Variants in GLIS3 observed in about 807,000 individuals in gnomAD.
GLIS3 encodes GLIS family zinc finger 3.
GLIS3 carries 53 observed loss-of-function variants against 78.6 expected under a neutral mutation model. That is an observed-to-expected ratio of 0.67 (90% CI 0.54 to 0.85). The LOEUF (loss-of-function observed/expected upper bound fraction) is 0.85. GLIS3 is among the 40% of genes least tolerant of loss of function. The pLI, the probability that GLIS3 is intolerant of heterozygous loss-of-function variation, is 0.00. For missense variants in GLIS3, 1,703 were observed against 1,231.1 expected, an observed-to-expected ratio of 1.38 and a Z score of -5.74; for synonymous variants, 684 against 509.9, an observed-to-expected ratio of 1.34 and a Z score of -4.60.
intron 1 of GLIS3, among the ~76,000 whole-genome samples, chr9:4,298,122 G>C (rs987361777): frequency 6.6e-6 from 1 of 152,112 alleles, no homozygotes; most frequent in African/African-American, 2.4e-5. Flanking sequence ...TCCTGAGTGA[G>C]TCGGGGGCCG....
chr9:4,162,339 G>A (rs1835549043), intron 2 of GLIS3, among the ~76,000 whole-genome samples: 1 of 152,108 alleles, frequency 6.6e-6, no homozygotes, highest in African/African-American at 2.4e-5. Flanking sequence ...CACATTCTGA[G>A]GTTCCAGGTG....
At chr9:4,133,311 A>G (rs1833113566) in intron 2 of GLIS3, among the ~76,000 whole-genome samples, 1 of 152,226 alleles carries the variant, frequency 6.6e-6, no homozygotes, top group Non-Finnish European at 1.5e-5. Flanking sequence ...CTCAAATGTA[A>G]CTTATGGAAC....
At chr9:4,179,864 C>T (rs1420574513) in intron 2 of GLIS3, among the ~76,000 whole-genome samples, 9 of 151,158 alleles carry the variant, frequency 6.0e-5, no homozygotes, top group South Asian at 2.1e-4. Context: ...GAGACAAGAT[C>T]GTGCCACTGT....
At chr9:4,363,030 A>G in the GLIS3 span, among the ~76,000 whole-genome samples, 2 of 152,192 alleles carry the variant, frequency 1.3e-5, no homozygotes, top group African/African-American at 2.4e-5. Context: ...ACACTGGTCC[A>G]TTATTTACTC....
At chr9:4,316,647 G>C (rs576077908) in intron 2 of GLIS3, among the ~76,000 whole-genome samples, 1 of 152,162 alleles carries the variant, frequency 6.6e-6, no homozygotes, top group South Asian at 2.1e-4. Context: ...GTGAGTAAGC[G>C]TAGGCATGTG....
At chr9:4,263,911 G>C (rs867134380) in intron 2 of GLIS3, among the ~76,000 whole-genome samples, 7 of 151,886 alleles carry the variant, frequency 4.6e-5, no homozygotes, top group African/African-American at 1.7e-4. Context: ...TCAGTTATTG[G>C]CCATTTTCTC....
At chr9:3,963,795 T>A (rs959098447) in intron 4 of GLIS3, among the ~76,000 whole-genome samples, 1 of 151,512 alleles carries the variant, frequency 6.6e-6, no homozygotes, top group Non-Finnish European at 1.5e-5. Flanking sequence ...ACACCAAGGA[T>A]GATGGTTCCT....
chr9:4,015,457 G>A (rs1563949969), intron 4 of GLIS3, among the ~76,000 whole-genome samples: 1 of 152,206 alleles, frequency 6.6e-6, no homozygotes, highest in Non-Finnish European at 1.5e-5. Context: ...ACAGAACTAT[G>A]TCTACCCTAG....
At chr9:4,472,320 T>A in the GLIS3 span, among the ~76,000 whole-genome samples, 1 of 152,160 alleles carries the variant, frequency 6.6e-6, no homozygotes, top group Admixed American at 6.5e-5. Flanking sequence ...ATGTTTATTG[T>A]GGCACTATTC....
At chr9:4,060,035 T>C (rs1826514415) in intron 4 of GLIS3, among the ~76,000 whole-genome samples, 1 of 152,124 alleles carries the variant, frequency 6.6e-6, no homozygotes, top group Non-Finnish European at 1.5e-5. Context: ...AATGCATCCT[T>C]CCTCCTGGAA....
chr9:4,097,524 C>G (rs548915081), intron 4 of GLIS3, among the ~76,000 whole-genome samples: 2 of 152,016 alleles, frequency 1.3e-5, no homozygotes, highest in African/African-American at 4.8e-5. Flanking sequence ...GGACCACCTC[C>G]GCCAGCTTCC....
the GLIS3 span, among the ~76,000 whole-genome samples, chr9:4,462,215 C>A: frequency 6.6e-5 from 10 of 152,152 alleles, no homozygotes; most frequent in African/African-American, 2.4e-4. Context: ...CCTACAAGAT[C>A]ACTATTCAAT....
At chr9:3,858,547 A>T (rs527272487) in intron 8 of GLIS3, among the ~76,000 whole-genome samples, 138 of 152,156 alleles carry the variant, frequency 9.1e-4, no homozygotes, top group Middle Eastern at 3.2e-3. Context: ...ATTCAGGCTG[A>T]ATTTTCCTCT....
chr9:4,277,114 T>C (rs1159604898), intron 2 of GLIS3, among the ~76,000 whole-genome samples: 1 of 152,152 alleles, frequency 6.6e-6, no homozygotes, highest in Non-Finnish European at 1.5e-5. Context: ...GACCCCAATC[T>C]CCACTATTAT....
intron 4 of GLIS3, among the ~76,000 whole-genome samples, chr9:3,957,685 G>A (rs1588313044): frequency 6.6e-6 from 1 of 152,318 alleles, no homozygotes; most frequent in Non-Finnish European, 1.5e-5. Context: ...ACAAAGAAAT[G>A]TTAGCACCAA....
the GLIS3 span, among the ~76,000 whole-genome samples, chr9:4,446,944 TA>T: frequency 6.6e-6 from 1 of 152,136 alleles, no homozygotes; most frequent in African/African-American, 2.4e-5. Context: ...AACAAACACA[TA>T]CACCAATTTT....
rs1172746647 is a variant in GLIS3 at position 3,826,829 on chromosome 9, A to AG, written c.*1442dup. ...TTCAGAAAAACATTTTTAAAAAGTGAGAAAAAATACTTGAAATATGATAGT... is the reference window on the plus strand; with the variant it reads ...TTCAGAAAAACATTTTTAAAAAGTGAGGAAAAAATACTTGAAATATGATAGT... On this transcript the variant is annotated 3_prime_UTR_variant, in exon 11 of 11. Coordinates refer to ENST00000381971, the MANE Select transcript of GLIS3 (RefSeq NM_001042413.2). 1 of 152,246 alleles carries AG rather than the reference A, an allele frequency of 6.6e-6. No individual in the cohort carries two copies. The highest frequency in any genetic ancestry group is 1.5e-5 in the Non-Finnish European group (1 of 68,040). 9.4% of individuals were successfully genotyped at this position (152,246 alleles called of 1,614,324 possible). A position where few individuals can be genotyped will look rare whatever the true frequency, so the allele number is the denominator to read the frequency against.
At chr9:3,947,247 T>G (rs1816366314) in intron 4 of GLIS3, among the ~76,000 whole-genome samples, 1 of 152,228 alleles carries the variant, frequency 6.6e-6, no homozygotes, top group Non-Finnish European at 1.5e-5. Flanking sequence ...GCCTTCAGTT[T>G]TATTAAGAAT....
At chr9:3,951,360 C>A in intron 4 of GLIS3, among the ~76,000 whole-genome samples, 1 of 151,208 alleles carries the variant, frequency 6.6e-6, no homozygotes, top group South Asian at 2.1e-4. Flanking sequence ...ACTTCTTTTT[C>A]TTCTGAAGAA....
Sources: gnomAD v4.1 joint callset for allele counts (sites outside exome capture counted in the v4.1 genomes callset) on GRCh38, gnomAD v4.1.1 for gene constraint, MANE v1.5 for transcripts, NCBI Gene and HGNC (gene_info 2026-07-23, HGNC 2026-07-21) for gene names.